The following ZNF654 variants were observed in gnomAD, a reference collection of about 807,000 sequenced individuals.
ZNF654 encodes zinc finger protein 654.
A neutral mutation model predicts 95.3 loss-of-function variants in ZNF654; 19 were observed. The ratio of observed to expected loss-of-function variants is 0.20; its 90% CI spans 0.14 to 0.29. ZNF654 has a LOEUF of 0.29. ZNF654 is among the 10% of genes least tolerant of loss of function. ZNF654 has a pLI of 1.00. For missense variants in ZNF654, 1,046 were observed against 1,341.0 expected (o/e 0.78, Z 3.44); for synonymous variants, 413 against 457.9 (o/e 0.90, Z 1.25).
rs562810721 is a variant in ZNF654 at position 88,059,493 on chromosome 3, A to G, written c.174A>G (p.Arg58=). The G allele has an allele frequency of 6.7e-7, 1 of 1,495,866 alleles. No homozygotes were observed. The highest frequency in any genetic ancestry group is 8.9e-7 in the Non-Finnish European group (1 of 1,129,916). The allele number at this position is 1,495,866 out of a possible 1,614,324, so 92.7% of individuals were successfully genotyped here. Residue 58 remains arginine, a synonymous_variant, in exon 1 of 9, where the codon CGA becomes CGG. Coordinates refer to ENST00000636215, the MANE Select transcript of ZNF654 (RefSeq NM_001350134.2). ...GAATCAGCAGTCGGGATTACTGCCG[A>G]CGCTTCTGTCAGGTGAGGCGTCCGT... ...GVGISSRDYC[R]RFCQVVEDYA...
At chr3:88,076,448 T>G (rs1707806046) in intron 1 of ZNF654, among the ~76,000 whole-genome samples, 1 of 152,168 alleles carries the variant, frequency 6.6e-6, no homozygotes, top group Non-Finnish European at 1.5e-5. Context: ...ATCTGTCTAG[T>G]CTAGCCTCTA....
chr3:88,125,009 A>G (rs1359704107), intron 3 of ZNF654, among the ~76,000 whole-genome samples: 3 of 152,036 alleles, frequency 2.0e-5, no homozygotes, highest in Non-Finnish European at 4.4e-5. Flanking sequence ...AGGTCAAGAG[A>G]TTGAGACTAT....
At chr3:88,097,362 G>T (rs1704124787) in intron 2 of ZNF654, among the ~76,000 whole-genome samples, 3 of 143,818 alleles carry the variant, frequency 2.1e-5, no homozygotes, top group Non-Finnish European at 3.1e-5. Flanking sequence ...TTTGTCAACA[G>T]TTTTTTTTTT....
At position 88,139,744 on chromosome 3, in the gene ZNF654, C is replaced by T. The variant is rs1707003721; in HGVS notation, c.2075C>T (p.Pro692Leu). 1.3e-6 allele frequency: 2 copies of T among 1,555,098 alleles called. No homozygotes were observed. The highest frequency in any genetic ancestry group is 1.7e-6 in the Non-Finnish European group (2 of 1,148,770). Residue 692 changes from proline (P) to leucine (L), a missense_variant, in exon 8 of 9, where the codon CCT becomes CTT. Transcript: ENST00000636215. ...PNNSLNNVFK[P>L]LTECGDDYEE... is the part of the protein sequence containing the mutation. The stretch of plus-strand genomic sequence containing the variant: ...AATTCTTTAAATAATGTTTTCAAGC[C>T]TTTAACTGAATGTGGGGATGATTAT...
intron 5 of ZNF654, among the ~76,000 whole-genome samples, chr3:88,129,454 G>T (rs560066141): frequency 6.6e-6 from 1 of 151,580 alleles, no homozygotes; most frequent in South Asian, 2.1e-4. Context: ...AATATGGATC[G>T]TATGTACCTA....
intron 3 of ZNF654, among the ~76,000 whole-genome samples, chr3:88,120,808 CATT>C (rs10574441): frequency 0.78 from 118,746 of 151,650 alleles, 47,396 homozygotes; most frequent in South Asian, 0.91. Context: ...AAGTCAGTGA[CATT>C]AGTGTGATTA....
chr3:88,088,746 A>G (rs1472937106), intron 2 of ZNF654, among the ~76,000 whole-genome samples: 1 of 80,892 alleles, frequency 1.2e-5, no homozygotes. Flanking sequence ...ACCTTTATTT[A>G]TGTATGTATG....
At position 88,135,724 on chromosome 3, in the gene ZNF654, C is replaced by CT. The variant is rs1252456991; in HGVS notation, c.1035+524dup. Among the ~76,000 whole-genome samples the CT allele has an allele frequency of 5.9e-5, 9 of 152,174 alleles. No individual in the cohort carries two copies. In the East Asian group the frequency reaches 1.7e-3, roughly 29 times the overall value. On this transcript the variant is annotated intron_variant, in intron 7 of 8. Transcript: ENST00000636215. ...CCTGAGTCAAGTTTTACTTGGGCCACTTGCAAGTGAGTACAATCCTACATG... is the reference window on the plus strand; with the variant it reads ...CCTGAGTCAAGTTTTACTTGGGCCACTTTGCAAGTGAGTACAATCCTACATG...
At chr3:88,097,451 G>A (rs1430415682) in intron 2 of ZNF654, among the ~76,000 whole-genome samples, 1 of 151,838 alleles carries the variant, frequency 6.6e-6, no homozygotes, top group African/African-American at 2.4e-5. Context: ...AGGATATCTG[G>A]GACTTGAACT....
At chr3:88,111,844 T>C (rs1705108040) in intron 2 of ZNF654, among the ~76,000 whole-genome samples, 1 of 151,990 alleles carries the variant, frequency 6.6e-6, no homozygotes, top group African/African-American at 2.4e-5. Flanking sequence ...ATCATCTCTT[T>C]TATTTTCATA....
rs1559735720 is a variant in ZNF654 at position 88,138,854 on chromosome 3, A to C, written c.1185A>C (p.Ala395=). The change falls in exon 8 of 9, where the codon GCA becomes GCC. Residue 395 remains alanine (A), a synonymous_variant. Transcript: ENST00000636215. ...ATTTGGAGATCCTCAGGATTTGTGC[A>C]CTCTCAATATTTTTTCTGGAGCGCT... ...PNDLEILRIC[A]LSIFFLERSL... 2 of 1,231,980 alleles carry C rather than the reference A, an allele frequency of 1.6e-6. No homozygotes were observed. Among genetic ancestry groups the C allele is most frequent in the African/African-American group, 3.1e-5 (2 of 64,514 alleles). 76.3% of individuals were successfully genotyped at this position (1,231,980 alleles called of 1,614,324 possible).
chr3:88,109,090 C>T (rs1704922768), intron 2 of ZNF654, among the ~76,000 whole-genome samples: 1 of 149,772 alleles, frequency 6.7e-6, no homozygotes, highest in Non-Finnish European at 1.5e-5. Flanking sequence ...TTCAAGCATC[C>T]AGTGGGAGGG....
intron 2 of ZNF654, among the ~76,000 whole-genome samples, chr3:88,094,245 A>C (rs1445994867): frequency 6.6e-6 from 1 of 152,032 alleles, no homozygotes; most frequent in African/African-American, 2.4e-5. Context: ...AAAAACTCTT[A>C]GTGCATTTGT....
chr3:88,128,843 C>A lies in ZNF654; in HGVS notation c.585C>A (p.Phe195Leu). 1 of 1,535,332 alleles carries A rather than the reference C, an allele frequency of 6.5e-7. No homozygotes were observed. The highest frequency in any genetic ancestry group is 1.2e-5 in the South Asian group (1 of 84,018). The change falls in exon 5 of 9, where the codon TTC (phenylalanine) becomes TTA (leucine). Residue 195 changes from phenylalanine (F) to leucine (L), a missense_variant. Transcript: ENST00000636215. ...NKYLSSENPL[F>L]FELRARYLIA... ...ATTTAAGTTCTGAAAATCCACTGTTCTTTGAACTACGTGCCAGATACCTAA... is the reference window on the plus strand; with the variant it reads ...ATTTAAGTTCTGAAAATCCACTGTTATTTGAACTACGTGCCAGATACCTAA...
At chr3:88,082,545 C>T (rs1450298084) in intron 1 of ZNF654, among the ~76,000 whole-genome samples, 7 of 152,138 alleles carry the variant, frequency 4.6e-5, no homozygotes, top group Non-Finnish European at 1.0e-4. Flanking sequence ...AAGTTGATGA[C>T]AATGGGAGTC....
At chr3:88,070,173 CTTAGTCA>C (rs1206334382) in intron 1 of ZNF654, among the ~76,000 whole-genome samples, 2 of 152,092 alleles carry the variant, frequency 1.3e-5, no homozygotes, top group African/African-American at 2.4e-5. Flanking sequence ...TACCTTTTGA[CTTAGTCA>C]TTTTTCTTAT....
At chr3:88,077,539 G>A (rs1338860287) in intron 1 of ZNF654, among the ~76,000 whole-genome samples, 1 of 151,956 alleles carries the variant, frequency 6.6e-6, no homozygotes, top group East Asian at 1.9e-4. Flanking sequence ...GTTTCCCTGT[G>A]TATGGGGAAT....
intron 2 of ZNF654, among the ~76,000 whole-genome samples, chr3:88,093,721 G>A (rs1477228897): frequency 6.6e-6 from 1 of 152,186 alleles, no homozygotes; most frequent in East Asian, 1.9e-4. Context: ...TTTATGCCTA[G>A]CCTAACTTCA....
intron 4 of ZNF654, 104 bp downstream of exon 4, chr3:88,126,373 T>A: frequency 8.5e-7 from 1 of 1,170,178 alleles, no homozygotes. Flanking sequence ...TTTATAATAC[T>A]GAATAATGGG....
Sources: allele counts gnomAD v4.1 joint callset (sites outside exome capture counted in the v4.1 genomes callset), GRCh38; gene constraint gnomAD v4.1.1; transcripts MANE v1.5; gene names NCBI Gene and HGNC (gene_info 2026-07-23, HGNC 2026-07-21).